The following ONECUT2 variants were observed in gnomAD, a reference collection of about 807,000 sequenced individuals.
ONECUT2 encodes the protein one cut homeobox 2, also known as one cut domain family member 2.
ONECUT2 carries 10 observed loss-of-function variants against 27.9 expected under a neutral mutation model. The ratio of observed to expected loss-of-function variants is 0.36; its 90% CI spans 0.22 to 0.61. The LOEUF is 0.61. Ranked by LOEUF, ONECUT2 falls within the 20% of genes least tolerant of loss-of-function variation. ONECUT2 has a pLI of 0.73. For missense variants in ONECUT2, 686 were observed against 721.0 expected (o/e 0.95, Z 0.56); for synonymous variants, 334 against 315.1 (o/e 1.06, Z -0.64).
At position 57,484,419 on chromosome 18, in the gene ONECUT2, A is replaced by G. The variant is rs1445561674; in HGVS notation, c.*7696A>G. 1 of 152,638 alleles carries G rather than the reference A, an allele frequency of 6.6e-6. No individual in the cohort carries two copies. The highest frequency in any genetic ancestry group is 1.5e-5 in the Non-Finnish European group (1 of 68,046). The allele number at this position is 152,638 out of a possible 1,614,324, so 9.5% of individuals were successfully genotyped here. On this transcript the variant is annotated 3_prime_UTR_variant, in exon 2 of 2. Coordinates refer to ENST00000491143, the MANE Select transcript of ONECUT2 (RefSeq NM_004852.3). The stretch of plus-strand genomic sequence containing the variant: ...GTACAGCCACAGCTCAGATACCCCA[A>G]AGAAATAATTATCTATGCGACGGCG...
intron 1 of ONECUT2, among the ~76,000 whole-genome samples, chr18:57,438,359 G>T (rs1337822511): frequency 6.6e-6 from 1 of 152,226 alleles, no homozygotes; most frequent in Non-Finnish European, 1.5e-5. Flanking sequence ...GGAACAATTC[G>T]TGGTGGCGAT....
At position 57,477,802 on chromosome 18, in the gene ONECUT2, G is replaced by T. The variant is rs645720; in HGVS notation, c.*1079G>T. ...TATGACCACCACGTAATCCATTCTCGCTCTTTCTGATTTGGGGTTTTTCCT... is the reference window on the plus strand; with the variant it reads ...TATGACCACCACGTAATCCATTCTCTCTCTTTCTGATTTGGGGTTTTTCCT... On this transcript the variant is annotated 3_prime_UTR_variant, in exon 2 of 2. Transcript: ENST00000491143. 1 of 152,380 alleles carries T rather than the reference G, an allele frequency of 6.6e-6. No homozygotes were observed. The highest frequency in any genetic ancestry group is 2.4e-5 in the African/African-American group (1 of 41,324). 9.4% of individuals were successfully genotyped at this position (152,380 alleles called of 1,614,324 possible).
At chr18:57,441,657 C>A (rs542829705) in intron 1 of ONECUT2, among the ~76,000 whole-genome samples, 1 of 152,268 alleles carries the variant, frequency 6.6e-6, no homozygotes, top group African/African-American at 2.4e-5. Flanking sequence ...GCCGTTGCCA[C>A]TGGGCCCTGG....
In ONECUT2 at chr18:57,486,150, A is replaced by C. The variant is rs758407039; in HGVS notation, c.*9427A>C. ...CCACTTGGCAGACCTCTCCTCAGCA[A>C]TCCCCCCAGCCTCATGCTTCACTTG... is the stretch of plus-strand genomic sequence containing the variant. On this transcript the variant is annotated 3_prime_UTR_variant, in exon 2 of 2. Transcript: ENST00000491143. 6.5e-6 allele frequency: 1 copy of C among 152,748 alleles called. No individual in the cohort carries two copies. Among genetic ancestry groups the C allele is most frequent in the African/African-American group, 2.4e-5 (1 of 41,416 alleles). The allele number at this position is 152,748 out of a possible 1,614,324, so 9.5% of individuals were successfully genotyped here.
chr18:57,460,026 G>A (rs1417283785), intron 1 of ONECUT2, among the ~76,000 whole-genome samples: 2 of 152,114 alleles, frequency 1.3e-5, no homozygotes, highest in African/African-American at 2.4e-5. Context: ...GGGCTCAAGC[G>A]ATCCTCCTAC....
rs113743263 is a variant in ONECUT2 at position 57,462,545 on chromosome 18, C to T, written c.1229-13892C>T. Among the ~76,000 whole-genome samples the T allele has an allele frequency of 4.1e-3, 627 of 152,092 alleles. 2 individuals carry two copies. The highest frequency in any genetic ancestry group is 0.014 in the African/African-American group (597 of 41,476). Reference sequence around the variant, plus strand: ...GGACTACTATAGGCATGCACCACCACGCTGGCTAACTTCTTAAAATTGTTT... The same window carrying T: ...GGACTACTATAGGCATGCACCACCATGCTGGCTAACTTCTTAAAATTGTTT... On this transcript the variant is annotated intron_variant, in intron 1 of 1. Coordinates refer to ENST00000491143, the MANE Select transcript of ONECUT2 (RefSeq NM_004852.3).
In ONECUT2 at chr18:57,435,768, T is replaced by A. The variant is rs764986049; in HGVS notation, c.52T>A (p.Cys18Ser). The change falls in exon 1 of 2, where the codon TGC becomes AGC. Residue 18 changes from cysteine (C) to serine (S), a missense_variant. Physicochemically the swap from Cys to Ser is moderately radical, Grantham distance 112 (BLOSUM62 -1). Around this residue, in one of 4 missense-constraint regions of ONECUT2, gnomAD observed 511 missense variants for 488.1 expected, o/e 1.05. Coordinates refer to ENST00000491143, the MANE Select transcript of ONECUT2 (RefSeq NM_004852.3). ...ATGCCTCACCAAAGACCTAGAAGGCTGCGCCATGAACCCGGAGCTGACAAT... is the reference window on the plus strand; with the variant it reads ...ATGCCTCACCAAAGACCTAGAAGGCAGCGCCATGAACCCGGAGCTGACAAT... ...YRCLTKDLEG[C>S]AMNPELTMES... 1.3e-5 allele frequency: 16 copies of A among 1,265,772 alleles called. No individual in the cohort carries two copies. The highest frequency in any genetic ancestry group is 1.5e-5 in the Non-Finnish European group (15 of 971,262). The allele number at this position is 1,265,772 out of a possible 1,614,324, so 78.4% of individuals were successfully genotyped here.
At chr18:57,468,019 C>T (rs772884673) in intron 1 of ONECUT2, among the ~76,000 whole-genome samples, 28 of 152,214 alleles carry the variant, frequency 1.8e-4, no homozygotes, top group Non-Finnish European at 3.7e-4. Context: ...AGGTGGTTCA[C>T]GCTGGAGTAC....
At chr18:57,465,496 T>C (rs566336013) in intron 1 of ONECUT2, among the ~76,000 whole-genome samples, 2 of 152,364 alleles carry the variant, frequency 1.3e-5, no homozygotes, top group Non-Finnish European at 2.9e-5. Flanking sequence ...TCATTACATA[T>C]GGTTACTTAC....
In ONECUT2 at chr18:57,437,695, TGGGAGGACGTG is replaced by T. The variant is rs537118107; in HGVS notation, c.1228+754_1228+764del. 1.2e-3 allele frequency among the ~76,000 whole-genome samples: 188 copies of T among 152,316 alleles called. 1 individual carries two copies. The highest frequency in any genetic ancestry group is 4.4e-3 in the African/African-American group (185 of 41,576). Reference sequence around the variant, plus strand: ...GTTGAGAAGGTCACATTCACCGCTTTGGGAGGACGTGGGAGAAGAGACTGAGGTGGAAAGCG... The same window carrying T: ...GTTGAGAAGGTCACATTCACCGCTTTGGAGAAGAGACTGAGGTGGAAAGCG... On this transcript the variant is annotated intron_variant, in intron 1 of 1. Coordinates refer to ENST00000491143, the MANE Select transcript of ONECUT2 (RefSeq NM_004852.3).
chr18:57,459,689 G>A (rs2050279256), intron 1 of ONECUT2, among the ~76,000 whole-genome samples: 2 of 152,076 alleles, frequency 1.3e-5, no homozygotes, highest in African/African-American at 4.8e-5. Flanking sequence ...CTCCTGAGTA[G>A]CTGGGATTAC....
At chr18:57,455,147 C>A (rs2050252091) in intron 1 of ONECUT2, among the ~76,000 whole-genome samples, 1 of 152,142 alleles carries the variant, frequency 6.6e-6, no homozygotes, top group Non-Finnish European at 1.5e-5. Context: ...ATGTCTGGGC[C>A]CTGCTTCTTT....
At chr18:57,447,003 G>A (rs1198443495) in intron 1 of ONECUT2, among the ~76,000 whole-genome samples, 1 of 152,232 alleles carries the variant, frequency 6.6e-6, no homozygotes, top group Non-Finnish European at 1.5e-5. Context: ...GAGAGAATTA[G>A]CATCTACAGG....
rs771472875 is a variant in ONECUT2, at chr18:57,436,779, A to C, written c.1063A>C (p.Ile355Leu). 1.2e-6 allele frequency: 2 copies of C among 1,614,060 alleles called. No individual in the cohort carries two copies. Among genetic ancestry groups the C allele is most frequent in the Non-Finnish European group, 1.7e-6 (2 of 1,180,042 alleles). ...GAAGCGCTACAGTATCCCCCAGGCG[A>C]TCTTTGCGCAGAGGGTGCTGTGCCG... ...ELKRYSIPQA[I>L]FAQRVLCRSQ... The change falls in exon 1 of 2, where the codon ATC (isoleucine) becomes CTC (leucine). Residue 355 changes from isoleucine (I) to leucine (L), a missense_variant. Physicochemically the swap from Ile to Leu is conservative, Grantham distance 5. Transcript: ENST00000491143. The surrounding 1 kb of genome is among the most constrained non-coding windows in gnomAD (Gnocchi z 5.9).
At chr18:57,450,099 G>A (rs747685650) in intron 1 of ONECUT2, among the ~76,000 whole-genome samples, 5 of 152,146 alleles carry the variant, frequency 3.3e-5, no homozygotes, top group African/African-American at 7.2e-5. Context: ...TATTCTCAAC[G>A]AGAGAATAGG....
intron 1 of ONECUT2, among the ~76,000 whole-genome samples, chr18:57,456,972 G>T (rs1006861527): frequency 5.3e-5 from 8 of 152,200 alleles, no homozygotes; most frequent in African/African-American, 1.9e-4. Context: ...GTGACTTCCT[G>T]GGAGTGGGGT....
At position 57,487,421 on chromosome 18, in the gene ONECUT2, A is replaced by G. The variant is rs1459237480; in HGVS notation, c.*10698A>G. 1 of 152,152 alleles carries G rather than the reference A, an allele frequency of 6.6e-6. No individual in the cohort carries two copies. The highest frequency in any genetic ancestry group is 1.9e-4 in the East Asian group (1 of 5,188). 9.4% of individuals were successfully genotyped at this position (152,152 alleles called of 1,614,324 possible). ...GACCTAACTGGCCATGTATATGTAG[A>G]TGCAAATTCATCTAGCTGTGGCCCT... is the stretch of plus-strand genomic sequence containing the variant. On this transcript the variant is annotated 3_prime_UTR_variant, in exon 2 of 2. Coordinates refer to ENST00000491143, the MANE Select transcript of ONECUT2 (RefSeq NM_004852.3).
chr18:57,487,348 T>TTAA lies in ONECUT2; in HGVS notation c.*10627_*10629dup. The TTAA allele has an allele frequency of 6.6e-6, 1 of 152,266 alleles. No individual in the cohort carries two copies. Among genetic ancestry groups the TTAA allele is most frequent in the Middle Eastern group, 3.4e-3 (1 of 294 alleles). 9.4% of individuals were successfully genotyped at this position (152,266 alleles called of 1,614,324 possible). A position where few individuals can be genotyped will look rare whatever the true frequency, so the allele number is the denominator to read the frequency against. On this transcript the variant is annotated 3_prime_UTR_variant, in exon 2 of 2. Coordinates refer to ENST00000491143, the MANE Select transcript of ONECUT2 (RefSeq NM_004852.3). ...TATTGAAAAACTCACCTTTGCATATTTAATTTCCACCAAAAGGAGTTATTT... is the reference window on the plus strand; with the variant it reads ...TATTGAAAAACTCACCTTTGCATATTTAATAATTTCCACCAAAAGGAGTTATTT...
At chr18:57,472,204 T>C (rs541017602) in intron 1 of ONECUT2, among the ~76,000 whole-genome samples, 1 of 152,320 alleles carries the variant, frequency 6.6e-6, no homozygotes, top group African/African-American at 2.4e-5. Flanking sequence ...GACACTTTCC[T>C]GGCTGTTCAA....
Sources: gnomAD v4.1 joint callset for allele counts (sites outside exome capture counted in the v4.1 genomes callset) on GRCh38, gnomAD v4.1.1 for gene constraint, gnomAD v4.1.1 regional missense constraint, Gnocchi (gnomAD v3.1) non-coding constraint, MANE v1.5 for transcripts, NCBI Gene and HGNC (gene_info 2026-07-23, HGNC 2026-07-21) for gene names.